SLC4A4: variants seen among roughly 807,000 people sequenced by gnomAD.
The protein encoded by SLC4A4 is electrogenic sodium bicarbonate cotransporter 1.
A neutral mutation model predicts 111.5 loss-of-function variants in SLC4A4; 27 were observed. The ratio of observed to expected loss-of-function variants is 0.24; its 90% CI spans 0.18 to 0.33. The LOEUF (loss-of-function observed/expected upper bound fraction) is 0.33, where lower values mean the gene tolerates loss of function less well. Ranked by LOEUF, SLC4A4 falls within the 10% of genes least tolerant of loss-of-function variation. SLC4A4 has a pLI of 1.00. For synonymous variants in SLC4A4, 443 were observed against 463.4 expected, an observed-to-expected ratio of 0.96 and a Z score of 0.57; for missense variants, 909 against 1,315.5, an observed-to-expected ratio of 0.69 and a Z score of 4.78.
chr4:71,507,296 T>G (rs752193911), intron 16 of SLC4A4, among the ~76,000 whole-genome samples: 3 of 151,964 alleles, frequency 2.0e-5, no homozygotes, highest in Non-Finnish European at 4.4e-5. Context: ...AGACACAGAG[T>G]GGAAAGCTGC....
chr4:71,302,007 A>G (rs377072103), intron 3 of SLC4A4, among the ~76,000 whole-genome samples: 103 of 152,210 alleles, frequency 6.8e-4, no homozygotes, highest in African/African-American at 2.4e-3. Flanking sequence ...TGTTTGGTGC[A>G]CTGCAAAAGA....
chr4:71,279,794 T>TA (rs1723364833), intron 3 of SLC4A4, among the ~76,000 whole-genome samples: 1 of 152,074 alleles, frequency 6.6e-6, no homozygotes, highest in African/African-American at 2.4e-5. Context: ...TGTTATTTTT[T>TA]TTTATTTATT....
At chr4:71,328,970 A>C (rs1270281241) in intron 3 of SLC4A4, among the ~76,000 whole-genome samples, 1 of 152,110 alleles carries the variant, frequency 6.6e-6, no homozygotes, top group Non-Finnish European at 1.5e-5. Context: ...TTAAGTCTTT[A>C]ATCCATTTTG....
chr4:71,127,855 G>A (rs1213338421), intron 2 of SLC4A4, among the ~76,000 whole-genome samples: 1 of 152,140 alleles, frequency 6.6e-6, no homozygotes. Context: ...TGGGCACGGT[G>A]GCTCACACCT....
chr4:71,312,951 GGTATT>G (rs1455710470), intron 3 of SLC4A4, among the ~76,000 whole-genome samples: 2 of 130,210 alleles, frequency 1.5e-5, no homozygotes, highest in East Asian at 4.7e-4. Flanking sequence ...GGAAATAAAG[GGTATT>G]CAATTCAAAT....
chr4:71,536,308 C>T (rs1466490954), intron 18 of SLC4A4, among the ~76,000 whole-genome samples: 1 of 150,444 alleles, frequency 6.6e-6, no homozygotes, highest in Non-Finnish European at 1.5e-5. Context: ...ATGGCAAGGT[C>T]GTATTACAGA....
At chr4:71,282,278 AG>A (rs1382327468) in intron 3 of SLC4A4, among the ~76,000 whole-genome samples, 10 of 151,872 alleles carry the variant, frequency 6.6e-5, no homozygotes, top group African/African-American at 2.4e-4. Flanking sequence ...GTTAGGAAAA[AG>A]GGCATCCCTA....
chr4:71,481,366 G>A (rs1167222577), intron 14 of SLC4A4, among the ~76,000 whole-genome samples: 1 of 151,628 alleles, frequency 6.6e-6, no homozygotes, highest in Non-Finnish European at 1.5e-5. Flanking sequence ...AATATGTAAA[G>A]CAGAGGAGCC....
At chr4:71,204,238 G>C (rs374278022) in intron 1 of SLC4A4, among the ~76,000 whole-genome samples, 81 of 152,274 alleles carry the variant, frequency 5.3e-4, no homozygotes, top group African/African-American at 1.9e-3. Flanking sequence ...TTAGCACTTA[G>C]CTTCTTATCT....
chr4:71,543,192 G>A (rs1015663401), intron 18 of SLC4A4, among the ~76,000 whole-genome samples: 1 of 152,022 alleles, frequency 6.6e-6, no homozygotes, highest in African/African-American at 2.4e-5. Flanking sequence ...AGACTATTTT[G>A]GACACCCAGA....
intron 2 of SLC4A4, among the ~76,000 whole-genome samples, chr4:71,176,304 T>C (rs1052847495): frequency 6.6e-6 from 1 of 152,154 alleles, no homozygotes; most frequent in African/African-American, 2.4e-5. Flanking sequence ...AGCTCCTCAC[T>C]AGCAATGGAA....
intron 2 of SLC4A4, among the ~76,000 whole-genome samples, chr4:71,110,618 G>A (rs888633308): frequency 4.6e-5 from 7 of 152,154 alleles, no homozygotes; most frequent in Non-Finnish European, 8.8e-5. Flanking sequence ...GCCTAAGTTC[G>A]TAGGGCAGGC....
intron 2 of SLC4A4, among the ~76,000 whole-genome samples, chr4:71,099,383 A>C (rs1430893518): frequency 6.6e-6 from 1 of 152,184 alleles, no homozygotes; most frequent in Non-Finnish European, 1.5e-5. Flanking sequence ...AGAAATAAAG[A>C]CGTTCTTTGA....
intron 2 of SLC4A4, among the ~76,000 whole-genome samples, chr4:71,124,784 C>T (rs188307572): frequency 6.6e-6 from 1 of 152,120 alleles, no homozygotes; most frequent in African/African-American, 2.4e-5. Context: ...ATCTCCAAAG[C>T]GAGGGGTGTG....
chr4:71,274,764 G>A (rs1028427178), intron 3 of SLC4A4, among the ~76,000 whole-genome samples: 2 of 152,262 alleles, frequency 1.3e-5, no homozygotes, highest in Middle Eastern at 3.4e-3. Flanking sequence ...TCAAGTTACT[G>A]AGCAGTGGAA....
intron 6 of SLC4A4, among the ~76,000 whole-genome samples, chr4:71,375,291 C>T (rs1732248312): frequency 1.3e-5 from 2 of 152,194 alleles, no homozygotes; most frequent in Non-Finnish European, 2.9e-5. Context: ...TTGAGTCTGG[C>T]ATTCAAGGCC....
At chr4:71,531,754 T>TACACACACAC (rs56164928) in intron 16 of SLC4A4, among the ~76,000 whole-genome samples, 4 of 128,152 alleles carry the variant, frequency 3.1e-5, no homozygotes, top group African/African-American at 1.2e-4. Flanking sequence ...CCTCCCTGCC[T>TACACACACAC]ACACACACAC....
At chr4:71,530,770 C>T (rs141580845) in intron 16 of SLC4A4, among the ~76,000 whole-genome samples, 1 of 152,220 alleles carries the variant, frequency 6.6e-6, no homozygotes, top group African/African-American at 2.4e-5. Flanking sequence ...TTTCATTCCT[C>T]ATTTTAGTTT....
chr4:71,435,627 A>T (rs1423190655), intron 7 of SLC4A4, among the ~76,000 whole-genome samples: 1 of 152,238 alleles, frequency 6.6e-6, no homozygotes, highest in Admixed American at 6.5e-5. Context: ...CAGGCAACCT[A>T]CAGAATGAGA....
Sources: gnomAD v4.1 joint callset for allele counts (sites outside exome capture counted in the v4.1 genomes callset) on GRCh38, gnomAD v4.1.1 for gene constraint, MANE v1.5 for transcripts, NCBI Gene and HGNC (gene_info 2026-07-23, HGNC 2026-07-21) for gene names.